Variants in UBXN7 observed in about 807,000 individuals in gnomAD.
UBXN7 encodes UBX domain-containing protein 7.
UBXN7 carries 9 observed loss-of-function variants against 58.0 expected under a neutral mutation model. That is an observed-to-expected ratio of 0.16 (90% CI 0.09 to 0.27). UBXN7 has a LOEUF of 0.27. Among genes scored for constraint, UBXN7 ranks in the 10% least tolerant of loss-of-function variants. The pLI is 1.00. For missense variants in UBXN7, 328 were observed against 599.6 expected, an observed-to-expected ratio of 0.55 and a Z score of 4.73; for synonymous variants, 208 against 205.0, an observed-to-expected ratio of 1.01 and a Z score of -0.12.
chr3:196,401,226 A>C (rs1729951726), intron 3 of UBXN7, among the ~76,000 whole-genome samples: 1 of 124,766 alleles, frequency 8.0e-6, no homozygotes, highest in Admixed American at 8.8e-5. Context: ...AGCCTGACTA[A>C]CATGGAGAAA....
At chr3:196,395,922 C>T (rs1441674829) in intron 3 of UBXN7, among the ~76,000 whole-genome samples, 3 of 152,136 alleles carry the variant, frequency 2.0e-5, no homozygotes, top group East Asian at 1.9e-4. Flanking sequence ...TGTGCCACCA[C>T]GCCCAGCCAA....
At chr3:196,388,924 T>C (rs898420511) in intron 5 of UBXN7, among the ~76,000 whole-genome samples, 4 of 150,458 alleles carry the variant, frequency 2.7e-5, no homozygotes, top group Non-Finnish European at 4.4e-5. Context: ...ATATTATCAG[T>C]GAAAAAAAAA....
chr3:196,393,645 A>G (rs538915797), intron 3 of UBXN7, 26 bp from the exon 4 acceptor site: 1 of 1,583,202 alleles, frequency 6.3e-7, no homozygotes, highest in Admixed American at 1.9e-5. Flanking sequence ...ATAGAATTGA[A>G]AATTTTTTAA....
chr3:196,372,749 AT>A (rs34621274), intron 5 of UBXN7, among the ~76,000 whole-genome samples: 8,303 of 144,724 alleles, frequency 0.057, 292 homozygotes, highest in Non-Finnish European at 0.085. Flanking sequence ...TCCATCAACA[AT>A]TTTTTTTTTT....
chr3:196,419,728 G>A (rs1370515363), intron 1 of UBXN7, among the ~76,000 whole-genome samples: 5 of 152,124 alleles, frequency 3.3e-5, no homozygotes, highest in Non-Finnish European at 7.4e-5. Flanking sequence ...CATGGAGAGA[G>A]GCCAGGGGTG....
chr3:196,428,122 GAAAACA>G (rs560641226), intron 1 of UBXN7, among the ~76,000 whole-genome samples: 129 of 149,876 alleles, frequency 8.6e-4, no homozygotes, highest in African/African-American at 2.6e-3. Context: ...AAATTCTGTC[GAAAACA>G]AAAACAAAAA....
intron 8 of UBXN7, among the ~76,000 whole-genome samples, chr3:196,363,441 G>C (rs1166437507): frequency 6.6e-6 from 1 of 151,310 alleles, no homozygotes; most frequent in African/African-American, 2.4e-5. Context: ...TGGATCAAGA[G>C]GTCAAAAGAT....
rs1728154335 is a variant in UBXN7, at chr3:196,349,089, A to G, written c.*7596T>C. The G allele has an allele frequency of 6.6e-6, 1 of 152,242 alleles. No individual in the cohort carries two copies. 9.4% of individuals were successfully genotyped at this position (152,242 alleles called of 1,614,324 possible). ...AGATTCATGCCAAAGCTTGGATGGA[A>G]GCCCCTCAAAGTCTAAGTATCGTGT... On this transcript the variant is annotated 3_prime_UTR_variant, in exon 11 of 11. Coordinates refer to ENST00000296328, the MANE Select transcript of UBXN7 (RefSeq NM_015562.2).
At chr3:196,421,974 A>C (rs1009560568) in intron 1 of UBXN7, among the ~76,000 whole-genome samples, 1 of 152,120 alleles carries the variant, frequency 6.6e-6, no homozygotes, top group Non-Finnish European at 1.5e-5. Context: ...TGAGGCGGGC[A>C]GATCACTTGA....
chr3:196,378,382 A>C (rs1392374645), intron 5 of UBXN7, among the ~76,000 whole-genome samples: 1 of 152,200 alleles, frequency 6.6e-6, no homozygotes, highest in African/African-American at 2.4e-5. Flanking sequence ...TGTTCCCTTC[A>C]AGGGAAATTT....
chr3:196,429,737 G>A (rs959612740), intron 1 of UBXN7, among the ~76,000 whole-genome samples: 3 of 152,084 alleles, frequency 2.0e-5, no homozygotes, highest in Admixed American at 6.6e-5. Context: ...TGTTTCTAAC[G>A]GTTAATCACT....
intron 2 of UBXN7, among the ~76,000 whole-genome samples, chr3:196,403,410 C>T (rs1024035512): frequency 3.9e-5 from 6 of 152,150 alleles, no homozygotes; most frequent in African/African-American, 1.4e-4. Context: ...AATCCACCCA[C>T]CTCAGCCTTC....
chr3:196,429,848 T>G (rs963941558), intron 1 of UBXN7, among the ~76,000 whole-genome samples: 1 of 152,064 alleles, frequency 6.6e-6, no homozygotes, highest in Non-Finnish European at 1.5e-5. Context: ...TACCACTGTC[T>G]ACTGATTGAG....
Position 196,349,710 on chromosome 3 carries a change from A to C in UBXN7, c.*6975T>G, listed in dbSNP as rs182734399. 1.3e-5 allele frequency: 2 copies of C among 152,320 alleles called. No individual in the cohort carries two copies. The highest frequency in any genetic ancestry group is 3.9e-4 in the East Asian group (2 of 5,190). The allele number at this position is 152,320 out of a possible 1,614,324, so 9.4% of individuals were successfully genotyped here. ...CTTATCAGTTAAGAGTTCCATACTG[A>C]GTCTATGAAAAAAGCAAATTAAAAA... On this transcript the variant is annotated 3_prime_UTR_variant, in exon 11 of 11. Transcript: ENST00000296328.
intron 1 of UBXN7, among the ~76,000 whole-genome samples, chr3:196,428,362 G>A (rs1158485745): frequency 1.3e-5 from 2 of 151,050 alleles, no homozygotes; most frequent in South Asian, 2.1e-4. Flanking sequence ...GCTGAGGCAG[G>A]AGAATCACTT....
Position 196,352,151 on chromosome 3 carries a change from TTTC to T in UBXN7, c.*4531_*4533del, listed in dbSNP as rs1728231057. On this transcript the variant is annotated 3_prime_UTR_variant, in exon 11 of 11. Coordinates refer to ENST00000296328, the MANE Select transcript of UBXN7 (RefSeq NM_015562.2). The surrounding 1 kb of genome is among the most constrained non-coding windows in gnomAD (Gnocchi z 4.1). The stretch of plus-strand genomic sequence containing the variant: ...GCTAACTAAAACATATTCTTCCCTT[TTTC>T]TAAGTTTGAACTAATAGGTAAACAT... 1.3e-5 allele frequency: 2 copies of T among 152,244 alleles called. No homozygotes were observed. Among genetic ancestry groups the T allele is most frequent in the African/African-American group, 4.8e-5 (2 of 41,474 alleles). 9.4% of individuals were successfully genotyped at this position (152,244 alleles called of 1,614,324 possible).
intron 5 of UBXN7, among the ~76,000 whole-genome samples, chr3:196,388,289 G>T (rs1458216436): frequency 7.1e-6 from 1 of 140,934 alleles, no homozygotes; most frequent in South Asian, 2.4e-4. Context: ...ACTGGGGCCT[G>T]TCGGGGGCTG....
intron 1 of UBXN7, among the ~76,000 whole-genome samples, chr3:196,407,871 G>A (rs576028424): frequency 1.1e-4 from 16 of 152,040 alleles, no homozygotes; most frequent in Non-Finnish European, 1.6e-4. Flanking sequence ...AGGCTGAGGC[G>A]GGCAGATCAC....
At chr3:196,399,301 ATTAAT>A (rs576001290) in intron 3 of UBXN7, among the ~76,000 whole-genome samples, 74 of 152,100 alleles carry the variant, frequency 4.9e-4, no homozygotes, top group Non-Finnish European at 7.6e-4. Context: ...CTGCTTTTAA[ATTAAT>A]TTATTATTTT....
Sources: gnomAD v4.1 joint callset for allele counts (sites outside exome capture counted in the v4.1 genomes callset) on GRCh38, gnomAD v4.1.1 for gene constraint, Gnocchi (gnomAD v3.1) non-coding constraint, MANE v1.5 for transcripts, NCBI Gene and HGNC (gene_info 2026-07-23, HGNC 2026-07-21) for gene names.